The following SKAP2 variants were observed in gnomAD, a reference collection of about 807,000 sequenced individuals.
SKAP2 encodes the protein src kinase-associated phosphoprotein 2.
In SKAP2, 28 loss-of-function variants were observed where a neutral mutation model predicts 54.9. That is an observed-to-expected ratio of 0.51 (90% CI 0.38 to 0.70). SKAP2 has a LOEUF of 0.70. Among genes scored for constraint, SKAP2 ranks in the 30% least tolerant of loss-of-function variants. SKAP2 has a pLI of 0.00. For missense variants in SKAP2, 356 were observed against 424.1 expected (o/e 0.84, Z 1.41); for synonymous variants, 137 against 134.3 (o/e 1.02, Z -0.14).
At position 26,725,468 on chromosome 7, in the gene SKAP2, G is replaced by C; in HGVS notation, c.756C>G (p.Ser252Arg). The C allele has an allele frequency of 6.2e-7, 1 of 1,611,786 alleles. No homozygotes were observed. The highest frequency in any genetic ancestry group is 1.1e-5 in the South Asian group (1 of 90,842). ...AAATTTCATCATCTATTGGTTGACT[G>C]CTTGTTAGTGGATTGCTTATTGGTA... ...HPLPISNPLT[S>R]SQPIDDEIYE... The change falls in exon 9 of 13, where the codon AGC becomes AGG. Residue 252 changes from serine (S) to arginine (R), a missense_variant. Ser to Arg is a moderately radical substitution (Grantham distance 110). Transcript: ENST00000345317.
At chr7:26,809,411 T>C (rs1784092225) in intron 4 of SKAP2, among the ~76,000 whole-genome samples, 1 of 151,208 alleles carries the variant, frequency 6.6e-6, no homozygotes, top group East Asian at 1.9e-4. Flanking sequence ...AAAACTTCGT[T>C]TCACAAGAAA....
chr7:26,824,510 T>A (rs1185105748), intron 4 of SKAP2, among the ~76,000 whole-genome samples: 1 of 152,182 alleles, frequency 6.6e-6, no homozygotes, highest in Non-Finnish European at 1.5e-5. Context: ...AAACAAAATA[T>A]ACCTATAGGC....
At chr7:26,859,960 T>G (rs555247005) in intron 1 of SKAP2, among the ~76,000 whole-genome samples, 18 of 152,310 alleles carry the variant, frequency 1.2e-4, no homozygotes, top group African/African-American at 4.1e-4. Flanking sequence ...TGACACTTAA[T>G]CTGAAATTTA....
chr7:26,827,033 C>T (rs907538956), intron 4 of SKAP2, among the ~76,000 whole-genome samples: 8 of 152,062 alleles, frequency 5.3e-5, no homozygotes, highest in African/African-American at 1.9e-4. Context: ...AAGTCCTATT[C>T]AGTGAAAGAA....
intron 4 of SKAP2, among the ~76,000 whole-genome samples, chr7:26,759,369 A>G (rs546805716): frequency 6.6e-6 from 1 of 152,318 alleles, no homozygotes; most frequent in South Asian, 2.1e-4. Flanking sequence ...TCAGTAATCA[A>G]TATTTGTAAA....
At position 26,725,401 on chromosome 7, in the gene SKAP2, T is replaced by A. The variant is rs1787680820; in HGVS notation, c.796+27A>T. On this transcript the variant is annotated intron_variant, in intron 9 of 12. Coordinates refer to ENST00000345317, the MANE Select transcript of SKAP2 (RefSeq NM_003930.5). ...ACACACACACACAGCCCTAAAATCT[T>A]TAAATGAATCACCAGAAAGTAAATA... is the stretch of plus-strand genomic sequence containing the variant. The A allele has an allele frequency of 3.8e-6, 6 of 1,580,896 alleles. No individual in the cohort carries two copies. The East Asian group carries it at 1.3e-4, about 35-fold the overall frequency.
At chr7:26,772,624 T>G (rs1783211788) in intron 4 of SKAP2, among the ~76,000 whole-genome samples, 1 of 152,200 alleles carries the variant, frequency 6.6e-6, no homozygotes. Context: ...TCCAGTCCAC[T>G]GTTGAGGGGC....
At chr7:26,709,534 T>C (rs1306161166) in intron 9 of SKAP2, among the ~76,000 whole-genome samples, 1 of 152,216 alleles carries the variant, frequency 6.6e-6, no homozygotes, top group Non-Finnish European at 1.5e-5. Context: ...TTAAACATTT[T>C]CCCCAAGGAC....
downstream of SKAP2, among the ~76,000 whole-genome samples, chr7:26,664,132 G>A (rs766256203): frequency 3.3e-5 from 5 of 152,156 alleles, no homozygotes; most frequent in Non-Finnish European, 5.9e-5. Context: ...CTGCGCAGCA[G>A]AACAGTGTTC....
At chr7:26,824,494 T>A (rs1278333625) in intron 4 of SKAP2, among the ~76,000 whole-genome samples, 2 of 152,190 alleles carry the variant, frequency 1.3e-5, no homozygotes, top group African/African-American at 4.8e-5. Context: ...AAATACTGGT[T>A]TGGCTAAACA....
intron 4 of SKAP2, among the ~76,000 whole-genome samples, chr7:26,748,146 C>T (rs2391358): frequency 1.3e-5 from 2 of 151,994 alleles, no homozygotes; most frequent in African/African-American, 4.8e-5. Context: ...TTAGATAAAT[C>T]TTTAATATAG....
chr7:26,752,256 G>T (rs992255728), intron 4 of SKAP2, among the ~76,000 whole-genome samples: 1 of 152,078 alleles, frequency 6.6e-6, no homozygotes, highest in African/African-American at 2.4e-5. Flanking sequence ...GTTCAGGGAA[G>T]AAAACACAAC....
chr7:26,740,795 G>A (rs1488103193), intron 4 of SKAP2, among the ~76,000 whole-genome samples: 5 of 152,028 alleles, frequency 3.3e-5, no homozygotes, highest in Non-Finnish European at 7.4e-5. Context: ...AGACCAGCCT[G>A]GCCAACACAG....
At chr7:26,840,462 G>A (rs1202055845) in intron 4 of SKAP2, among the ~76,000 whole-genome samples, 1 of 152,024 alleles carries the variant, frequency 6.6e-6, no homozygotes, top group Non-Finnish European at 1.5e-5. Flanking sequence ...ATAGAAAAAT[G>A]GAAACCCAAG....
chr7:26,801,929 C>G (rs1463902024), intron 4 of SKAP2, among the ~76,000 whole-genome samples: 1 of 151,924 alleles, frequency 6.6e-6, no homozygotes, highest in Non-Finnish European at 1.5e-5. Flanking sequence ...CCATATTACC[C>G]AAAGCAATCT....
chr7:26,787,321 G>GT (rs57866747), intron 4 of SKAP2, among the ~76,000 whole-genome samples: 97 of 147,610 alleles, frequency 6.6e-4, no homozygotes, highest in Middle Eastern at 3.5e-3. Context: ...CCTCAAGATG[G>GT]TTTTTTTTTT....
At chr7:26,798,512 C>T (rs776834497) in intron 4 of SKAP2, among the ~76,000 whole-genome samples, 11 of 151,782 alleles carry the variant, frequency 7.2e-5, no homozygotes, top group Non-Finnish European at 1.0e-4. Context: ...GAAATGCAAC[C>T]GGAAGTACTT....
At chr7:26,793,997 TGATATA>T (rs750394668) in intron 4 of SKAP2, among the ~76,000 whole-genome samples, 46 of 152,322 alleles carry the variant, frequency 3.0e-4, no homozygotes, top group Non-Finnish European at 2.4e-4. Flanking sequence ...ACAGAAATTC[TGATATA>T]TTAGCTAAAG....
intron 4 of SKAP2, among the ~76,000 whole-genome samples, chr7:26,741,922 T>C (rs967420534): frequency 6.6e-6 from 1 of 152,102 alleles, no homozygotes; most frequent in Non-Finnish European, 1.5e-5. Flanking sequence ...TTTCAGCTCC[T>C]TGGTGGATCA....
Sources: allele counts gnomAD v4.1 joint callset (sites outside exome capture counted in the v4.1 genomes callset), GRCh38; gene constraint gnomAD v4.1.1; transcripts MANE v1.5; gene names NCBI Gene and HGNC (gene_info 2026-07-23, HGNC 2026-07-21).